The following TMEM165 variants were observed in gnomAD, a reference collection of about 807,000 sequenced individuals.
TMEM165 encodes the protein putative divalent cation/proton antiporter TMEM165.
Under a neutral mutation model 30.0 loss-of-function variants are expected in TMEM165, and 19 were observed. The ratio of observed to expected loss-of-function variants is 0.63; its 90% CI spans 0.44 to 0.93. TMEM165 has a LOEUF of 0.93. Ranked by LOEUF, TMEM165 falls within the 40% of genes least tolerant of loss-of-function variation. The pLI, the probability that TMEM165 is intolerant of heterozygous loss-of-function variation, is 0.00. For missense variants in TMEM165, 340 were observed against 417.0 expected, an observed-to-expected ratio of 0.82 and a Z score of 1.61; for synonymous variants, 168 against 162.9, an observed-to-expected ratio of 1.03 and a Z score of -0.24.
chr4:55,448,593 CACGCGCGCGTGTGTGTGT>C (rs1420026008), intron 3 of TMEM165, among the ~76,000 whole-genome samples: 6 of 64,892 alleles, frequency 9.2e-5, no homozygotes, highest in South Asian at 6.5e-4. Context: ...TGCGCGCGCG[CACGCGCGCGTGTGTGTGT>C]GTGTGTGTGT....
intron 2 of TMEM165, among the ~76,000 whole-genome samples, chr4:55,414,194 C>T (rs1469848490): frequency 5.9e-5 from 9 of 151,328 alleles, no homozygotes; most frequent in East Asian, 1.9e-4. Context: ...GGCGTCAACC[C>T]GGGAGGCAGA....
intron 1 of TMEM165, among the ~76,000 whole-genome samples, chr4:55,408,311 G>A (rs190535910): frequency 5.9e-5 from 9 of 152,260 alleles, no homozygotes; most frequent in Non-Finnish European, 8.8e-5. Flanking sequence ...ATCGCTTAAT[G>A]ATGGGGATGT....
rs1363292883 is a variant in TMEM165 at position 55,397,879 on chromosome 4, G to A, written c.207+1483G>A. Among the ~76,000 whole-genome samples, 7 of 151,408 alleles carry A rather than the reference G, an allele frequency of 4.6e-5. No homozygotes were observed. In the South Asian group the frequency reaches 1.0e-3, roughly 23 times the overall value. ...CTCCTGAGTGGCTGGGACTGCATGC[G>A]TGTGCTGACACGCCCGGCTAATTTT... On this transcript the variant is annotated intron_variant, in intron 1 of 5. Transcript: ENST00000381334.
intron 4 of TMEM165, among the ~76,000 whole-genome samples, chr4:55,421,522 T>C (rs553241256): frequency 6.6e-6 from 1 of 152,208 alleles, no homozygotes; most frequent in Admixed American, 6.5e-5. Flanking sequence ...GGTCTCGAAC[T>C]CCTGAGTTCA....
At chr4:55,449,452 G>A in intron 3 of TMEM165, 2 of 1,614,014 alleles carry the variant, frequency 1.2e-6, no homozygotes, top group Non-Finnish European at 1.7e-6. Flanking sequence ...GGTAAATGCT[G>A]CCTGGGTGGA....
intron 3 of TMEM165, chr4:55,449,391 C>T (rs1196685030): frequency 1.2e-6 from 2 of 1,610,212 alleles, no homozygotes; most frequent in East Asian, 4.5e-5. Context: ...CACTAAAGAG[C>T]TTACCTGACT....
rs1054280280 is a variant in TMEM165 at position 55,411,506 on chromosome 4, G to A, written c.208-108G>A. ...CAGAGTGATTAGACAGTAAATAAGT[G>A]TAATGACCATGACAAGAAAATTTTC... On this transcript the variant is annotated intron_variant, in intron 1 of 5. Coordinates refer to ENST00000381334, the MANE Select transcript of TMEM165 (RefSeq NM_018475.5). 23 of 963,100 alleles carry A rather than the reference G, an allele frequency of 2.4e-5. No homozygotes were observed. In the African/African-American group the frequency reaches 3.5e-4, roughly 15 times the overall value. 59.7% of individuals were successfully genotyped at this position (963,100 alleles called of 1,614,324 possible). A position where few individuals can be genotyped will look rare whatever the true frequency, so the allele number is the denominator to read the frequency against.
At chr4:55,440,957 A>T (rs1323060084) in intron 3 of TMEM165, among the ~76,000 whole-genome samples, 1 of 151,912 alleles carries the variant, frequency 6.6e-6, no homozygotes, top group East Asian at 1.9e-4. Flanking sequence ...AACCCATGAA[A>T]CTGCTTACAA....
intron 1 of TMEM165, among the ~76,000 whole-genome samples, chr4:55,403,674 A>G (rs1196771312): frequency 6.6e-6 from 1 of 152,134 alleles, no homozygotes; most frequent in Non-Finnish European, 1.5e-5. Context: ...GTACCAAAAC[A>G]CTAGTATCTC....
chr4:55,417,671 T>TG (rs1721794289), intron 3 of TMEM165, 132 bp from the exon 4 acceptor site: 8 of 719,384 alleles, frequency 1.1e-5, no homozygotes, highest in Middle Eastern at 4.0e-4. Flanking sequence ...AGGGGAGGTT[T>TG]GGGGGTCACA....
downstream of TMEM165, chr4:55,429,248 C>T (rs1453284773): frequency 6.6e-6 from 1 of 152,102 alleles, no homozygotes; most frequent in Non-Finnish European, 1.5e-5. Flanking sequence ...CAGTTTAACC[C>T]TCAGAGTTAA....
rs766025971 is a variant in TMEM165, at chr4:55,421,297, C to CTT, written c.793-3221_793-3220dup. Among the ~76,000 whole-genome samples, 399 of 105,820 alleles carry CTT rather than the reference C, an allele frequency of 3.8e-3. 7 individuals are homozygous for CTT. Among genetic ancestry groups the CTT allele is most frequent in the East Asian group, 0.012 (44 of 3,800 alleles). 69.4% of individuals were successfully genotyped at this position (105,820 alleles called of 152,430 possible). The stretch of plus-strand genomic sequence containing the variant: ...GAATTTTTAAATATTTTCTTTCTTT[C>CTT]TTTTTTTTTTTTTTTTTTTTTGAGA... On this transcript the variant is annotated intron_variant, in intron 4 of 5. Coordinates refer to ENST00000381334, the MANE Select transcript of TMEM165 (RefSeq NM_018475.5).
downstream of TMEM165, among the ~76,000 whole-genome samples, chr4:55,426,514 G>GACT (rs1722207184): frequency 6.6e-6 from 1 of 152,114 alleles, no homozygotes; most frequent in African/African-American, 2.4e-5. Flanking sequence ...ATTTTGATTT[G>GACT]ACTACTACTT....
intron 3 of TMEM165, chr4:55,433,035 C>A (rs900683833): frequency 6.6e-6 from 1 of 152,606 alleles, no homozygotes; most frequent in Non-Finnish European, 1.5e-5. Flanking sequence ...TTCTTCATAT[C>A]TTTTGTTAGC....
chr4:55,405,076 T>G (rs933501815), intron 1 of TMEM165, among the ~76,000 whole-genome samples: 2 of 152,232 alleles, frequency 1.3e-5, no homozygotes, highest in Admixed American at 6.5e-5. Context: ...CCACCTTCTT[T>G]GAATAAAGAC....
intron 2 of TMEM165, 32 bp downstream of exon 2, chr4:55,411,871 T>G (rs781578326): frequency 6.3e-7 from 1 of 1,598,530 alleles, no homozygotes; most frequent in African/African-American, 1.3e-5. Flanking sequence ...ATGAGTTCGC[T>G]GAATTAAAGG....
At chr4:55,443,940 A>C (rs1723580788) in intron 3 of TMEM165, 2 of 1,558,992 alleles carry the variant, frequency 1.3e-6, no homozygotes, top group Admixed American at 1.7e-5. Context: ...TGTAGATTGA[A>C]AAGAAGAATG....
chr4:55,413,133 C>A (rs1413084219), intron 2 of TMEM165, among the ~76,000 whole-genome samples: 2 of 151,476 alleles, frequency 1.3e-5, no homozygotes, highest in African/African-American at 4.9e-5. Flanking sequence ...GCTCATGCCA[C>A]CATGCCCAGC....
chr4:55,451,804 A>T (rs540484425), intron 3 of TMEM165, among the ~76,000 whole-genome samples: 1 of 152,320 alleles, frequency 6.6e-6, no homozygotes, highest in South Asian at 2.1e-4. Flanking sequence ...CTTCTTCTAA[A>T]CATACAAAAC....
Sources: gnomAD v4.1 joint callset for allele counts (sites outside exome capture counted in the v4.1 genomes callset) on GRCh38, gnomAD v4.1.1 for gene constraint, MANE v1.5 for transcripts, NCBI Gene and HGNC (gene_info 2026-07-23, HGNC 2026-07-21) for gene names.